The following PTPRN2 variants were observed in gnomAD, a reference collection of about 807,000 sequenced individuals.
PTPRN2 encodes receptor-type tyrosine-protein phosphatase N2.
A neutral mutation model predicts 118.8 loss-of-function variants in PTPRN2; 74 were observed. The ratio of observed to expected loss-of-function variants is 0.62; its 90% CI spans 0.52 to 0.76. PTPRN2 has a LOEUF of 0.76. Among genes scored for constraint, PTPRN2 ranks in the 30% least tolerant of loss-of-function variants. The pLI is 0.00. For missense variants in PTPRN2, 1,481 were observed against 1,394.4 expected, an observed-to-expected ratio of 1.06 and a Z score of -0.99; for synonymous variants, 641 against 608.0, an observed-to-expected ratio of 1.05 and a Z score of -0.80.
intron 11 of PTPRN2, among the ~76,000 whole-genome samples, chr7:158,077,612 C>G (rs146773152): frequency 6.6e-6 from 1 of 150,584 alleles, no homozygotes; most frequent in Admixed American, 6.6e-5. Flanking sequence ...CCGTGGCGCC[C>G]GAGAGGGAAT....
chr7:157,890,395 A>G (rs1796728786), intron 12 of PTPRN2, among the ~76,000 whole-genome samples: 1 of 152,222 alleles, frequency 6.6e-6, no homozygotes, highest in Admixed American at 6.5e-5. Flanking sequence ...TAATCCCAGC[A>G]CTTTGGGAGG....
chr7:157,660,712 G>C (rs1016478902), intron 13 of PTPRN2, among the ~76,000 whole-genome samples: 1 of 152,164 alleles, frequency 6.6e-6, no homozygotes, highest in African/African-American at 2.4e-5. Flanking sequence ...AACTCTTGAC[G>C]GCTTGGCAAA....
At chr7:157,664,091 C>G (rs537687264) in intron 13 of PTPRN2, among the ~76,000 whole-genome samples, 200 of 152,306 alleles carry the variant, frequency 1.3e-3, no homozygotes, top group African/African-American at 4.5e-3. Context: ...TTTCCCCTCC[C>G]AAGACTAGAA....
rs1455691886 is a variant in PTPRN2, at chr7:157,610,117, G to T, written c.2345-6042C>A. On this transcript the variant is annotated intron_variant, in intron 15 of 22. Transcript: ENST00000389418. This position sits in a 1 kb window ranked among gnomAD's most constrained non-coding sequence, Gnocchi z 5.1. ...CTGTCCACACTCAGGAAGCTGCTCT[G>T]CAGGGCCAAGAATCTGCCTCCCACC... is the stretch of plus-strand genomic sequence containing the variant. Among the ~76,000 whole-genome samples, 2 of 152,200 alleles carry T rather than the reference G, an allele frequency of 1.3e-5. No individual in the cohort carries two copies. Among genetic ancestry groups the T allele is most frequent in the Non-Finnish European group, 2.9e-5 (2 of 68,042 alleles).
At chr7:158,321,174 A>C (rs1383332669) in intron 2 of PTPRN2, among the ~76,000 whole-genome samples, 2 of 152,242 alleles carry the variant, frequency 1.3e-5, no homozygotes, top group East Asian at 3.9e-4. Flanking sequence ...CCACCAGTCC[A>C]GGCTGAGCTC....
At chr7:158,143,291 G>A (rs73173605) in intron 6 of PTPRN2, among the ~76,000 whole-genome samples, 17,290 of 152,156 alleles carry the variant, frequency 0.11, 1,166 homozygotes, top group African/African-American at 0.19. Flanking sequence ...TCCACCAGGC[G>A]GAGCCCAGAA....
chr7:158,092,365 G>C (rs1159552350), intron 10 of PTPRN2, among the ~76,000 whole-genome samples: 1 of 150,836 alleles, frequency 6.6e-6, no homozygotes. Flanking sequence ...TAGAAGGATG[G>C]ATGGATGGGT....
intron 11 of PTPRN2, among the ~76,000 whole-genome samples, chr7:157,940,700 A>AC (rs1168459742): frequency 8.3e-6 from 1 of 120,278 alleles, no homozygotes. Flanking sequence ...TGCAAATCTA[A>AC]CGCCCCCCCG....
At chr7:158,063,236 G>A (rs1356735289) in intron 11 of PTPRN2, among the ~76,000 whole-genome samples, 1 of 152,030 alleles carries the variant, frequency 6.6e-6, no homozygotes, top group Non-Finnish European at 1.5e-5. Context: ...CTAGCTAAGG[G>A]ACTGTAAATA....
At chr7:157,800,958 A>AT (rs1554451604) in intron 12 of PTPRN2, among the ~76,000 whole-genome samples, 2 of 151,156 alleles carry the variant, frequency 1.3e-5, no homozygotes, top group African/African-American at 4.9e-5. Context: ...TTTCAAAAAA[A>AT]ATATATATAT....
intron 11 of PTPRN2, among the ~76,000 whole-genome samples, chr7:158,064,470 TGGGGAGCCC>T (rs1484877754): frequency 6.6e-6 from 1 of 152,006 alleles, no homozygotes; most frequent in Non-Finnish European, 1.5e-5. Flanking sequence ...CGGGGGAGCC[TGGGGAGCCC>T]AGCGCTGTGA....
chr7:158,519,547 C>A (rs1416085210), intron 1 of PTPRN2, among the ~76,000 whole-genome samples: 1 of 152,082 alleles, frequency 6.6e-6, no homozygotes, highest in Admixed American at 6.5e-5. Flanking sequence ...AATGGGCTGG[C>A]ATTCTCCAGC....
At chr7:158,102,263 G>T (rs1406498588) in intron 10 of PTPRN2, among the ~76,000 whole-genome samples, 3 of 152,332 alleles carry the variant, frequency 2.0e-5, no homozygotes, top group South Asian at 2.1e-4. Flanking sequence ...AGCCACCACA[G>T]AAGGGCTTTG....
At chr7:158,386,373 C>G (rs1206354545) in intron 2 of PTPRN2, among the ~76,000 whole-genome samples, 1 of 150,554 alleles carries the variant, frequency 6.6e-6, no homozygotes, top group Non-Finnish European at 1.5e-5. Context: ...CCCCAAGTCC[C>G]TCCTCCCGTG....
intron 14 of PTPRN2, among the ~76,000 whole-genome samples, chr7:157,626,386 C>T (rs1034415692): frequency 2.6e-5 from 4 of 152,146 alleles, no homozygotes; most frequent in Non-Finnish European, 5.9e-5. Flanking sequence ...GCCTTTGCCC[C>T]GTCCCCACCG....
At chr7:158,536,190 C>T (rs1206703931) in intron 1 of PTPRN2, among the ~76,000 whole-genome samples, 8 of 151,982 alleles carry the variant, frequency 5.3e-5, no homozygotes, top group African/African-American at 1.4e-4. Flanking sequence ...TCTGAAATGC[C>T]CTTTAAATTT....
At chr7:157,701,537 G>A (rs1798064750) in intron 12 of PTPRN2, among the ~76,000 whole-genome samples, 1 of 152,200 alleles carries the variant, frequency 6.6e-6, no homozygotes. Context: ...AGAGGCCAGG[G>A]GGTGTCTGCT....
chr7:158,269,792 G>A (rs1419828674), intron 3 of PTPRN2, among the ~76,000 whole-genome samples: 1 of 151,438 alleles, frequency 6.6e-6, no homozygotes, highest in Admixed American at 6.6e-5. Flanking sequence ...AGAGACAAAG[G>A]GAGCAGGAGA....
At chr7:157,626,736 T>G (rs1286052693) in intron 14 of PTPRN2, among the ~76,000 whole-genome samples, 1 of 152,224 alleles carries the variant, frequency 6.6e-6, no homozygotes, top group East Asian at 1.9e-4. Context: ...GGAATAATAA[T>G]GCATAATCTG....
Sources: allele counts gnomAD v4.1 joint callset (sites outside exome capture counted in the v4.1 genomes callset), GRCh38; gene constraint gnomAD v4.1.1; non-coding constraint Gnocchi (gnomAD v3.1); transcripts MANE v1.5; gene names NCBI Gene and HGNC (gene_info 2026-07-23, HGNC 2026-07-21).